Variants in FBLN1 observed in about 807,000 individuals in gnomAD.
FBLN1 encodes the protein fibulin 1.
A neutral mutation model predicts 89.7 loss-of-function variants in FBLN1; 34 were observed. The observed-to-expected ratio is 0.38, with a 90% CI of 0.29 to 0.50. FBLN1 has a LOEUF of 0.50. Ranked by LOEUF, FBLN1 falls within the 20% of genes least tolerant of loss-of-function variation. The pLI is 0.92. For missense variants in FBLN1, 777 were observed against 988.1 expected, an observed-to-expected ratio of 0.79 and a Z score of 2.86; for synonymous variants, 393 against 391.3, an observed-to-expected ratio of 1.00 and a Z score of -0.05.
In FBLN1 at chr22:45,525,669, A is replaced by G. The variant is rs61739196; in HGVS notation, c.312A>G (p.Thr104=). 2.3e-3 allele frequency: 3,529 copies of G among 1,551,446 alleles called. 81 individuals carry two copies. The African/African-American group carries it at 0.043, about 19-fold the overall frequency. The stretch of plus-strand genomic sequence containing the variant: ...GTGACAACGCCAGCCTGGAGGCCAC[A>G]TTTGTGAAGGTGAGAGCCAAAGACC... The part of the protein sequence containing the change: ...PHGDNASLEA[T]FVKRCCHCCL... The change falls in exon 3 of 17, where the codon ACA becomes ACG. Residue 104 remains threonine (T), a synonymous_variant. Coordinates refer to ENST00000327858, the MANE Select transcript of FBLN1 (RefSeq NM_006486.3).
intron 1 of FBLN1, among the ~76,000 whole-genome samples, chr22:45,513,207 T>G (rs187244569): frequency 6.6e-6 from 1 of 152,202 alleles, no homozygotes. Context: ...TGTAGGATGT[T>G]ATAAGATGAC....
chr22:45,596,950 TATATATC>T (rs1411596251), intron 16 of FBLN1, among the ~76,000 whole-genome samples: 2 of 149,108 alleles, frequency 1.3e-5, no homozygotes, highest in African/African-American at 4.9e-5. Flanking sequence ...GTATAATAGT[TATATATC>T]ATATATGAAA....
At position 45,590,210 on chromosome 22, in the gene FBLN1, C is replaced by T. The variant is rs1049153781; in HGVS notation, c.1973-10097C>T. 6.6e-6 allele frequency among the ~76,000 whole-genome samples: 1 copy of T among 152,200 alleles called. No individual in the cohort carries two copies. The highest frequency in any genetic ancestry group is 1.5e-5 in the Non-Finnish European group (1 of 68,038). On this transcript the variant is annotated intron_variant, in intron 16 of 16. Transcript: ENST00000327858. The surrounding 1 kb of genome is among the most constrained non-coding windows in gnomAD (Gnocchi z 4.1). ...CCTCTCTGCACTCAAGGGCTGCCCG[C>T]CAGGCCAGCCTCTCTTCCCCCCCAT...
At chr22:45,526,037 C>T (rs113937516) in intron 3 of FBLN1, among the ~76,000 whole-genome samples, 1 of 152,212 alleles carries the variant, frequency 6.6e-6, no homozygotes, top group South Asian at 2.1e-4. Context: ...TCGGCACCCT[C>T]ACCCTACCCA....
chr22:45,573,954 C>T (rs769854381), intron 14 of FBLN1, among the ~76,000 whole-genome samples: 28 of 146,096 alleles, frequency 1.9e-4, no homozygotes, highest in Non-Finnish European at 2.7e-4. Context: ...GTACCTGGAA[C>T]CCAGACCTCT....
chr22:45,560,393 A>G (rs556042052), intron 14 of FBLN1, among the ~76,000 whole-genome samples: 4 of 152,276 alleles, frequency 2.6e-5, no homozygotes, highest in South Asian at 4.1e-4. Context: ...GAATCCTCCC[A>G]ACTTGGTTGA....
At chr22:45,546,179 C>CAAAAAA (rs34103756) in intron 11 of FBLN1, among the ~76,000 whole-genome samples, 1 of 148,058 alleles carries the variant, frequency 6.8e-6, no homozygotes, top group African/African-American at 2.5e-5. Context: ...GACTTTGTCT[C>CAAAAAA]AAAAAAAAAA....
rs949416841 is a variant in FBLN1 at position 45,581,521 on chromosome 22, C to A, written c.1972+4413C>A. ...GTTGTGGCCACATTTCTGTTAAAAC[C>A]CTGCCAATGCCAACAGGAGCTACAG... On this transcript the variant is annotated intron_variant, in intron 16 of 16. Coordinates refer to ENST00000327858, the MANE Select transcript of FBLN1 (RefSeq NM_006486.3). The surrounding 1 kb of genome is among the most constrained non-coding windows in gnomAD (Gnocchi z 7.6). Among the ~76,000 whole-genome samples the A allele has an allele frequency of 6.6e-6, 1 of 152,110 alleles. No individual in the cohort carries two copies. Among genetic ancestry groups the A allele is most frequent in the Admixed American group, 6.5e-5 (1 of 15,270 alleles).
chr22:45,573,157 C>T (rs1005869608), intron 14 of FBLN1, among the ~76,000 whole-genome samples: 2 of 151,384 alleles, frequency 1.3e-5, no homozygotes, highest in East Asian at 2.0e-4. Flanking sequence ...ACCCAGGAGG[C>T]GGAGGTTGCA....
At chr22:45,584,027 G>A (rs2089064321) in intron 16 of FBLN1, among the ~76,000 whole-genome samples, 1 of 152,158 alleles carries the variant, frequency 6.6e-6, no homozygotes, top group South Asian at 2.1e-4. Flanking sequence ...CATAAGGCAG[G>A]GGCCCCCAGG....
Position 45,532,886 on chromosome 22 carries a change from C to T in FBLN1, c.545-177C>T. 3.1e-6 allele frequency: 2 copies of T among 647,658 alleles called. No individual in the cohort carries two copies. The highest frequency in any genetic ancestry group is 5.6e-6 in the Non-Finnish European group (2 of 359,872). 40.1% of individuals were successfully genotyped at this position (647,658 alleles called of 1,614,324 possible). A position where few individuals can be genotyped will look rare whatever the true frequency, so the allele number is the denominator to read the frequency against. ...GAAGCAGCAGCCCCTGGGGGGTGTCCAGAGCCAGAGCCTGGGGGTCTCCCA... is the reference window on the plus strand; with the variant it reads ...GAAGCAGCAGCCCCTGGGGGGTGTCTAGAGCCAGAGCCTGGGGGTCTCCCA... On this transcript the variant is annotated intron_variant, in intron 5 of 16. Transcript: ENST00000327858. The surrounding 1 kb of genome is among the most constrained non-coding windows in gnomAD (Gnocchi z 4.2).
intron 11 of FBLN1, among the ~76,000 whole-genome samples, chr22:45,543,910 C>T (rs914353733): frequency 3.3e-5 from 5 of 152,202 alleles, no homozygotes; most frequent in Non-Finnish European, 5.9e-5. Flanking sequence ...AAACTGGACA[C>T]TTGTTTTGCA....
intron 16 of FBLN1, among the ~76,000 whole-genome samples, chr22:45,594,696 A>AGATGGATG (rs201180295): frequency 0.02 from 2,838 of 143,058 alleles, 112 homozygotes; most frequent in African/African-American, 0.069. Context: ...ATTGGTGGAT[A>AGATGGATG]GATGGATGGA....
rs1225981112 is a variant in FBLN1, at chr22:45,530,476, G to C, written c.485-789G>C. Among the ~76,000 whole-genome samples the C allele has an allele frequency of 6.6e-6, 1 of 152,266 alleles. No individual in the cohort carries two copies. Among genetic ancestry groups the C allele is most frequent in the African/African-American group, 2.4e-5 (1 of 41,558 alleles). On this transcript the variant is annotated intron_variant, in intron 4 of 16. Coordinates refer to ENST00000327858, the MANE Select transcript of FBLN1 (RefSeq NM_006486.3). This position sits in a 1 kb window ranked among gnomAD's most constrained non-coding sequence, Gnocchi z 5.4. ...TACCAGTGCCATGGACCCACTGTATGTTTCCTGGGGGCCATGCAGAAGGTC... is the reference window on the plus strand; with the variant it reads ...TACCAGTGCCATGGACCCACTGTATCTTTCCTGGGGGCCATGCAGAAGGTC...
chr22:45,574,189 C>T lies in FBLN1; in HGVS notation c.1698-322C>T, dbSNP rs2088974318. 6.6e-6 allele frequency among the ~76,000 whole-genome samples: 1 copy of T among 152,234 alleles called. No individual in the cohort carries two copies. ...AAAACATATTTGTTGGGCAAGTGAACCTGTGACTCTATTTTGCCATTGTAG... is the reference window on the plus strand; with the variant it reads ...AAAACATATTTGTTGGGCAAGTGAATCTGTGACTCTATTTTGCCATTGTAG... On this transcript the variant is annotated intron_variant, in intron 14 of 16. Transcript: ENST00000327858. This position sits in a 1 kb window ranked among gnomAD's most constrained non-coding sequence, Gnocchi z 4.1.
Position 45,600,501 on chromosome 22 carries a change from A to G in FBLN1, c.*55A>G. ...ACCTCCAGGCCAAATCATTGCTGCCAGTGACTGTGGTCTGTACTTGTTTAT... is the reference window on the plus strand; with the variant it reads ...ACCTCCAGGCCAAATCATTGCTGCCGGTGACTGTGGTCTGTACTTGTTTAT... On this transcript the variant is annotated 3_prime_UTR_variant, in exon 17 of 17. Coordinates refer to ENST00000327858, the MANE Select transcript of FBLN1 (RefSeq NM_006486.3). 12 of 1,608,574 alleles carry G rather than the reference A, an allele frequency of 7.5e-6. No homozygotes were observed. Among genetic ancestry groups the G allele is most frequent in the Non-Finnish European group, 9.4e-6 (11 of 1,175,032 alleles).
At chr22:45,584,210 G>A (rs974351110) in intron 16 of FBLN1, among the ~76,000 whole-genome samples, 1 of 152,194 alleles carries the variant, frequency 6.6e-6, no homozygotes, top group Non-Finnish European at 1.5e-5. Flanking sequence ...CAACACCCAG[G>A]CTTTTCCATG....
At chr22:45,598,990 T>C (rs903328958) in intron 16 of FBLN1, among the ~76,000 whole-genome samples, 38 of 152,316 alleles carry the variant, frequency 2.5e-4, no homozygotes, top group African/African-American at 8.9e-4. Context: ...TTGGGTGCCC[T>C]GCAGAGGGAA....
At chr22:45,551,591 CCT>C (rs1379090683) in intron 14 of FBLN1, among the ~76,000 whole-genome samples, 1 of 152,242 alleles carries the variant, frequency 6.6e-6, no homozygotes, top group African/African-American at 2.4e-5. Flanking sequence ...CAGCCATTTC[CCT>C]GTTTCCCAGC....
Sources: gnomAD v4.1 joint callset for allele counts (sites outside exome capture counted in the v4.1 genomes callset) on GRCh38, gnomAD v4.1.1 for gene constraint, Gnocchi (gnomAD v3.1) non-coding constraint, MANE v1.5 for transcripts, NCBI Gene and HGNC (gene_info 2026-07-23, HGNC 2026-07-21) for gene names.